RNF122: variants seen among roughly 807,000 people sequenced by gnomAD.
RNF122 encodes the protein ring finger protein 122.
Under a neutral mutation model 24.2 loss-of-function variants are expected in RNF122, and 17 were observed. That is an observed-to-expected ratio of 0.70 (90% CI 0.48 to 1.06). The LOEUF (loss-of-function observed/expected upper bound fraction) is 1.06, where lower values mean the gene tolerates loss of function less well. Ranked by LOEUF, RNF122 falls within the 50% of genes least tolerant of loss-of-function variation. RNF122 has a pLI of 0.00. For missense variants in RNF122, 168 were observed against 198.1 expected, an observed-to-expected ratio of 0.85 and a Z score of 0.91; for synonymous variants, 65 against 71.8, an observed-to-expected ratio of 0.91 and a Z score of 0.48.
intron 4 of RNF122, 77 bp from the exon 5 acceptor site, chr8:33,549,569 G>T (rs1313531299): frequency 1.8e-6 from 2 of 1,109,470 alleles, no homozygotes; most frequent in Non-Finnish European, 2.7e-6. Flanking sequence ...AGAAAACTAA[G>T]CTCTAGCCTA....
At chr8:33,557,807 T>TTTTGGC (rs1810477997) in intron 2 of RNF122, among the ~76,000 whole-genome samples, 1 of 151,562 alleles carries the variant, frequency 6.6e-6, no homozygotes, top group African/African-American at 2.4e-5. Context: ...TTTGTTTTGG[T>TTTTGGC]TTTTTCCACT....
Position 33,566,893 on chromosome 8 carries a change from G to C in RNF122, c.-170C>G. 1 of 706,858 alleles carries C rather than the reference G, an allele frequency of 1.4e-6. No individual in the cohort carries two copies. The highest frequency in any genetic ancestry group is 2.2e-5 in the Admixed American group (1 of 44,700). 43.8% of individuals were successfully genotyped at this position (706,858 alleles called of 1,614,324 possible). ...CTCCGGAGTGGGGGGCTTTGACGAG[G>C]CTGGTGTTCAGCCCAACAAAGAGGG... On this transcript the variant is annotated 5_prime_UTR_variant, in exon 1 of 6. Transcript: ENST00000256257.
intron 1 of RNF122, among the ~76,000 whole-genome samples, chr8:33,562,321 A>G (rs899418206): frequency 6.6e-6 from 1 of 151,548 alleles, no homozygotes; most frequent in Non-Finnish European, 1.5e-5. Flanking sequence ...GGACCGCTTG[A>G]GGCCAGAAGT....
chr8:33,558,125 A>T (rs1810483349), intron 2 of RNF122, among the ~76,000 whole-genome samples: 1 of 152,216 alleles, frequency 6.6e-6, no homozygotes, highest in Non-Finnish European at 1.5e-5. Flanking sequence ...TCTCAAAAAA[A>T]CAAAACAAAA....
intron 1 of RNF122, among the ~76,000 whole-genome samples, chr8:33,564,911 C>T: frequency 6.6e-6 from 1 of 152,030 alleles, no homozygotes; most frequent in Non-Finnish European, 1.5e-5. Flanking sequence ...AATAAAGCAG[C>T]AAGTCTAAAA....
chr8:33,557,097 G>A (rs778012275), intron 2 of RNF122, among the ~76,000 whole-genome samples: 11 of 152,230 alleles, frequency 7.2e-5, no homozygotes, highest in Non-Finnish European at 1.3e-4. Context: ...CCAGACCACA[G>A]CTGATGTCTA....
Position 33,566,961 on chromosome 8 carries a change from G to A in RNF122, c.-238C>T. On this transcript the variant is annotated 5_prime_UTR_variant, in exon 1 of 6. Transcript: ENST00000256257. ...AAAGTCCCGCGGAGCACAGCCGCAC[G>A]GAGCGCACGCGCCAAGGGCCCCGGG... 1.8e-6 allele frequency: 1 copy of A among 542,726 alleles called. No individual in the cohort carries two copies. Among genetic ancestry groups the A allele is most frequent in the Non-Finnish European group, 3.3e-6 (1 of 303,504 alleles). The allele number at this position is 542,726 out of a possible 1,614,324, so 33.6% of individuals were successfully genotyped here.
intron 1 of RNF122, among the ~76,000 whole-genome samples, chr8:33,561,443 C>A (rs572624865): frequency 6.6e-6 from 1 of 152,098 alleles, no homozygotes; most frequent in Non-Finnish European, 1.5e-5. Flanking sequence ...CTATTGTAAA[C>A]ACTCATCACC....
intron 1 of RNF122, among the ~76,000 whole-genome samples, chr8:33,560,500 A>G (rs775284211): frequency 2.6e-5 from 4 of 151,792 alleles, no homozygotes; most frequent in Non-Finnish European, 4.4e-5. Context: ...TCAGCCCCAC[A>G]AAGGGCTGGG....
At position 33,549,632 on chromosome 8, in the gene RNF122, T is replaced by C. The variant is rs541474779; in HGVS notation, c.271-140A>G. On this transcript the variant is annotated intron_variant, in intron 4 of 5. Coordinates refer to ENST00000256257, the MANE Select transcript of RNF122 (RefSeq NM_024787.3). ...TTAGCCATCCTTTACAAAACTATAT[T>C]GATGGCATGGTAGTCATTAACCATA... The C allele has an allele frequency of 4.7e-6, 3 of 631,878 alleles. No homozygotes were observed. The South Asian group carries it at 5.5e-5, about 11-fold the overall frequency. The allele number at this position is 631,878 out of a possible 1,614,324, so 39.1% of individuals were successfully genotyped here.
chr8:33,566,998 TG>T lies in RNF122; in HGVS notation c.-276del. The T allele has an allele frequency of 2.1e-6, 1 of 475,134 alleles. No individual in the cohort carries two copies. Among genetic ancestry groups the T allele is most frequent in the South Asian group, 2.2e-5 (1 of 44,806 alleles). The allele number at this position is 475,134 out of a possible 1,614,324, so 29.4% of individuals were successfully genotyped here. A position where few individuals can be genotyped will look rare whatever the true frequency, so the allele number is the denominator to read the frequency against. ...CCAAGGGCCCCGGGCTGGGGGAATG[TG>T]GGGCGCCGCGGGGCGGGGGTGCCCG... On this transcript the variant is annotated 5_prime_UTR_variant, in exon 1 of 6. Transcript: ENST00000256257.
chr8:33,553,115 G>T (rs1465761181), intron 2 of RNF122, among the ~76,000 whole-genome samples: 1 of 149,698 alleles, frequency 6.7e-6, no homozygotes, highest in Non-Finnish European at 1.5e-5. Context: ...TGTGTGCTAT[G>T]GGGGAACCTT....
Position 33,549,379 on chromosome 8 carries a change from C to G in RNF122, c.353+31G>C, listed in dbSNP as rs368456016. On this transcript the variant is annotated intron_variant, in intron 5 of 5. Coordinates refer to ENST00000256257, the MANE Select transcript of RNF122 (RefSeq NM_024787.3). ...AGATGCTCCCTGATTATTTCTCCTT[C>G]GACGGGCACCCTGGACACATTCCCA... 5 of 1,575,980 alleles carry G rather than the reference C, an allele frequency of 3.2e-6. No individual in the cohort carries two copies. In the Admixed American group the frequency reaches 8.3e-5, roughly 26 times the overall value.
chr8:33,548,570 G>A lies in RNF122; in HGVS notation c.*183C>T, dbSNP rs563847242. On this transcript the variant is annotated 3_prime_UTR_variant, in exon 6 of 6. Transcript: ENST00000256257. ...CAGGGAAGAAGGCTTCAGGAGGCAG[G>A]AAGTGGGGGCACATCTGGCACTGGT... The A allele has an allele frequency of 1.5e-5, 8 of 530,424 alleles. No homozygotes were observed. The South Asian group carries it at 2.2e-4, about 14-fold the overall frequency. The allele number at this position is 530,424 out of a possible 1,614,324, so 32.9% of individuals were successfully genotyped here.
chr8:33,555,197 T>G (rs112911947), intron 2 of RNF122, among the ~76,000 whole-genome samples: 9 of 150,426 alleles, frequency 6.0e-5, no homozygotes, highest in East Asian at 3.9e-4. Flanking sequence ...TTTTTTTGGG[T>G]TTTTTTTTGT....
chr8:33,555,767 AATT>A (rs1218019527), intron 2 of RNF122, among the ~76,000 whole-genome samples: 1 of 152,210 alleles, frequency 6.6e-6, no homozygotes, highest in Non-Finnish European at 1.5e-5. Context: ...CTGAGCATGA[AATT>A]CCTCATTTAT....
At chr8:33,564,783 A>G (rs530574361) in intron 1 of RNF122, among the ~76,000 whole-genome samples, 4 of 152,130 alleles carry the variant, frequency 2.6e-5, no homozygotes, top group Non-Finnish European at 5.9e-5. Context: ...GAGGCAGGAG[A>G]ACCGCTTGAA....
intron 1 of RNF122, among the ~76,000 whole-genome samples, chr8:33,563,853 C>T (rs1158668437): frequency 6.6e-6 from 1 of 152,122 alleles, no homozygotes; most frequent in African/African-American, 2.4e-5. Flanking sequence ...AGAACCTGGT[C>T]AGAGCTATTA....
At chr8:33,558,580 G>A (rs752233272) in intron 2 of RNF122, 35 bp downstream of exon 2, 2 of 1,552,372 alleles carry the variant, frequency 1.3e-6, no homozygotes, top group Non-Finnish European at 1.7e-6. Flanking sequence ...CCCTCCTGCT[G>A]GACTCCCACC....
Sources: gnomAD v4.1 joint callset for allele counts (sites outside exome capture counted in the v4.1 genomes callset) on GRCh38, gnomAD v4.1.1 for gene constraint, MANE v1.5 for transcripts, NCBI Gene and HGNC (gene_info 2026-07-23, HGNC 2026-07-21) for gene names.